The following NBAS variants were observed in gnomAD, a reference collection of about 807,000 sequenced individuals.
NBAS encodes the protein NBAS subunit of NRZ tethering complex.
Under a neutral mutation model 302.5 loss-of-function variants are expected in NBAS, and 219 were observed. That is an observed-to-expected ratio of 0.72 (90% CI 0.65 to 0.81). The LOEUF (loss-of-function observed/expected upper bound fraction) is 0.81. Among genes scored for constraint, NBAS ranks in the 30% least tolerant of loss-of-function variants. NBAS has a pLI of 0.00. For missense variants in NBAS, 2,932 were observed against 2,841.6 expected, an observed-to-expected ratio of 1.03 and a Z score of -0.72; for synonymous variants, 1,118 against 1,021.6, an observed-to-expected ratio of 1.09 and a Z score of -1.80.
chr2:15,535,320 G>A (rs1182028108), intron 8 of NBAS, among the ~76,000 whole-genome samples: 6 of 152,032 alleles, frequency 3.9e-5, no homozygotes, highest in African/African-American at 1.5e-4. Flanking sequence ...AGGAGATCGA[G>A]ACCATCCTGA....
At chr2:14,835,685 T>G in the NBAS span, among the ~76,000 whole-genome samples, 1 of 151,928 alleles carries the variant, frequency 6.6e-6, no homozygotes, top group Non-Finnish European at 1.5e-5. Context: ...GGTAGTTTAT[T>G]TGTTTTTCAC....
chr2:15,355,624 T>G (rs1673576863), intron 33 of NBAS, among the ~76,000 whole-genome samples: 1 of 152,148 alleles, frequency 6.6e-6, no homozygotes, highest in Non-Finnish European at 1.5e-5. Flanking sequence ...TTTCTCATGG[T>G]TTAACATCAT....
chr2:15,212,117 A>T (rs1279802566), intron 48 of NBAS, among the ~76,000 whole-genome samples: 1 of 152,182 alleles, frequency 6.6e-6, no homozygotes, highest in Non-Finnish European at 1.5e-5. Flanking sequence ...AAGTCCATGG[A>T]TACTAACACT....
intron 48 of NBAS, among the ~76,000 whole-genome samples, chr2:15,202,807 G>A (rs1002010801): frequency 1.3e-5 from 2 of 152,208 alleles, no homozygotes; most frequent in Middle Eastern, 3.4e-3. Context: ...CAAAGTGCTG[G>A]GATTACAGGC....
In NBAS at chr2:15,167,205, A is replaced by C; in HGVS notation, c.6959T>G (p.Leu2320Arg). 2.5e-6 allele frequency: 4 copies of C among 1,614,236 alleles called. No individual in the cohort carries two copies. Among genetic ancestry groups the C allele is most frequent in the Non-Finnish European group, 3.4e-6 (4 of 1,180,032 alleles). Reference sequence around the variant, plus strand: ...CTCTGCATCCCAGCGCCCTTGCTGGAGGCTAGCCAAGAGGTGGTCAACAAT... The same window carrying C: ...CTCTGCATCCCAGCGCCCTTGCTGGCGGCTAGCCAAGAGGTGGTCAACAAT... ...PRIVDHLLAS[L>R]QQGRWDAEEL... Residue 2320 changes from leucine to arginine, a missense_variant, in exon 52 of 52, where the codon CTC (leucine) becomes CGC (arginine). Leu to Arg is a moderately radical substitution (Grantham distance 102). Coordinates refer to ENST00000281513, the MANE Select transcript of NBAS (RefSeq NM_015909.4).
chr2:15,178,883 G>T, intron 51 of NBAS, 105 bp downstream of exon 51: 2 of 1,475,340 alleles, frequency 1.4e-6, no homozygotes, highest in Non-Finnish European at 1.9e-6. Flanking sequence ...AGATATAGTA[G>T]TCTTCAATTA....
At chr2:15,351,902 AC>A (rs1673378018) in intron 35 of NBAS, 89 bp downstream of exon 35, 5 of 850,072 alleles carry the variant, frequency 5.9e-6, no homozygotes, top group Non-Finnish European at 9.8e-6. Flanking sequence ...ACACACACAC[AC>A]AAAACCCCTC....
chr2:15,014,028 T>C, the NBAS span, among the ~76,000 whole-genome samples: 36 of 151,882 alleles, frequency 2.4e-4, no homozygotes, highest in African/African-American at 8.2e-4. Context: ...ACACAGACTT[T>C]AAGTCAAAAA....
chr2:14,807,691 A>C, the NBAS span, among the ~76,000 whole-genome samples: 2 of 152,178 alleles, frequency 1.3e-5, no homozygotes, highest in African/African-American at 4.8e-5. Context: ...ATGTCACCTA[A>C]AGGCAAAGTG....
At chr2:15,514,251 C>G (rs911467833) in intron 9 of NBAS, among the ~76,000 whole-genome samples, 1 of 152,082 alleles carries the variant, frequency 6.6e-6, no homozygotes, top group Non-Finnish European at 1.5e-5. Flanking sequence ...AACTGAATAA[C>G]AGGCACTAAG....
At chr2:14,880,388 G>T in the NBAS span, among the ~76,000 whole-genome samples, 1 of 151,796 alleles carries the variant, frequency 6.6e-6, no homozygotes. Context: ...TAAAATAAAG[G>T]AAAACTATGA....
the NBAS span, among the ~76,000 whole-genome samples, chr2:15,153,262 C>T: frequency 0.028 from 4,195 of 152,248 alleles, 76 homozygotes; most frequent in Middle Eastern, 0.086. Flanking sequence ...CTTAGAAATG[C>T]GCCATAGGCA....
intron 44 of NBAS, among the ~76,000 whole-genome samples, chr2:15,263,455 C>T (rs1057111494): frequency 3.9e-5 from 6 of 152,170 alleles, no homozygotes; most frequent in Non-Finnish European, 5.9e-5. Context: ...CAACTTACGT[C>T]TAACTGATCC....
chr2:14,841,811 A>C, the NBAS span, among the ~76,000 whole-genome samples: 1 of 151,976 alleles, frequency 6.6e-6, no homozygotes. Context: ...CAGAAACATG[A>C]AAGTTAAACT....
the NBAS span, among the ~76,000 whole-genome samples, chr2:14,973,123 G>C: frequency 2.4e-4 from 37 of 152,252 alleles, no homozygotes; most frequent in East Asian, 7.2e-3. Context: ...CAACATAAAG[G>C]CATTAGTTAT....
the NBAS span, among the ~76,000 whole-genome samples, chr2:14,911,043 T>C: frequency 6.6e-6 from 1 of 152,222 alleles, no homozygotes; most frequent in Non-Finnish European, 1.5e-5. Flanking sequence ...CTTTCCCAAG[T>C]CAATCACTTG....
intron 16 of NBAS, among the ~76,000 whole-genome samples, chr2:15,472,163 G>A (rs557791184): frequency 2.0e-5 from 3 of 152,256 alleles, no homozygotes; most frequent in Non-Finnish European, 2.9e-5. Flanking sequence ...TGGTTGACAC[G>A]ATTTTAAGCT....
chr2:15,370,286 C>T (rs976781092), intron 31 of NBAS, among the ~76,000 whole-genome samples: 7 of 152,048 alleles, frequency 4.6e-5, no homozygotes, highest in Admixed American at 3.9e-4. Flanking sequence ...ACAATACCAC[C>T]ACCTCATAGG....
chr2:15,056,579 T>C, the NBAS span, among the ~76,000 whole-genome samples: 1 of 152,178 alleles, frequency 6.6e-6, no homozygotes, highest in East Asian at 1.9e-4. Flanking sequence ...CCTGGGAAAA[T>C]GCTATGCACA....
Sources: gnomAD v4.1 joint callset for allele counts (sites outside exome capture counted in the v4.1 genomes callset) on GRCh38, gnomAD v4.1.1 for gene constraint, MANE v1.5 for transcripts, NCBI Gene and HGNC (gene_info 2026-07-23, HGNC 2026-07-21) for gene names.